NEK10: variants seen among roughly 807,000 people sequenced by gnomAD.
NEK10 encodes the protein NIMA related kinase 10.
In NEK10, 122 loss-of-function variants were observed where a neutral mutation model predicts 159.8. The ratio of observed to expected loss-of-function variants is 0.76; its 90% confidence interval spans 0.66 to 0.89. The LOEUF (loss-of-function observed/expected upper bound fraction) is 0.89. NEK10 is among the 40% of genes least tolerant of loss of function. The pLI is 0.00. For synonymous variants in NEK10, 466 were observed against 457.1 expected (o/e 1.02, Z -0.25); for missense variants, 1,342 against 1,323.1 (o/e 1.01, Z -0.22).
chr3:27,272,277 C>T (rs2149401363), intron 22 of NEK10, among the ~76,000 whole-genome samples: 1 of 152,296 alleles, frequency 6.6e-6, no homozygotes, highest in South Asian at 2.1e-4. Context: ...CCACCCAAGA[C>T]TGGGCTCATC....
intron 22 of NEK10, among the ~76,000 whole-genome samples, chr3:27,275,686 G>A (rs1008379438): frequency 2.6e-5 from 4 of 152,242 alleles, no homozygotes; most frequent in South Asian, 2.1e-4. Context: ...AAGTATATGA[G>A]TAATGTGCAC....
At chr3:27,218,082 T>C (rs1386225201) in intron 23 of NEK10, among the ~76,000 whole-genome samples, 1 of 152,192 alleles carries the variant, frequency 6.6e-6, no homozygotes, top group East Asian at 1.9e-4. Flanking sequence ...ACCTGATCAC[T>C]GAGATAGCTA....
chr3:27,185,665 G>A (rs773087847), intron 26 of NEK10, among the ~76,000 whole-genome samples: 54 of 152,230 alleles, frequency 3.5e-4, no homozygotes, highest in Middle Eastern at 3.4e-3. Context: ...TCTACTGCTC[G>A]TTCTGTTTCT....
chr3:27,269,787 T>TTAATCTTAG (rs2041190770), intron 22 of NEK10, among the ~76,000 whole-genome samples: 1 of 152,232 alleles, frequency 6.6e-6, no homozygotes, highest in South Asian at 2.1e-4. Context: ...CTCTTTGTAG[T>TTAATCTTAG]TAATCTTAGT....
chr3:27,286,079 C>CTTTTTTTTTTTTTT lies in NEK10; in HGVS notation c.1790-1132_1790-1119dup, dbSNP rs35663067. Among the ~76,000 whole-genome samples the CTTTTTTTTTTTTTT allele has an allele frequency of 2.6e-4, 15 of 57,708 alleles. 2 individuals are homozygous for CTTTTTTTTTTTTTT. Among genetic ancestry groups the CTTTTTTTTTTTTTT allele is most frequent in the African/African-American group, 3.1e-4 (4 of 12,900 alleles). 37.9% of individuals were successfully genotyped at this position (57,708 alleles called of 152,430 possible). On this transcript the variant is annotated intron_variant, in intron 20 of 35. Coordinates refer to ENST00000691995, the MANE Select transcript of NEK10 (RefSeq NM_001394966.1). ...ATGTATTTTTAAGCCATTTCCAATTCTTTTTTTTTTTTTTTTTTTTTTTTG... is the reference window on the plus strand; with the variant it reads ...ATGTATTTTTAAGCCATTTCCAATTCTTTTTTTTTTTTTTTTTTTTTTTTTTTTTTTTTTTTTTG...
rs1468001558 is a variant in NEK10, at chr3:27,113,171, T to C, written c.3300-1851A>G. 4.6e-5 allele frequency among the ~76,000 whole-genome samples: 7 copies of C among 152,224 alleles called. No individual in the cohort carries two copies. In the East Asian group the frequency reaches 1.2e-3, roughly 25 times the overall value. Reference sequence around the variant, plus strand: ...AAAGGGGGTCGGGTGTGGTGGATCATGCCTGTAATCCCAGCACTTTGGGAG... The same window carrying C: ...AAAGGGGGTCGGGTGTGGTGGATCACGCCTGTAATCCCAGCACTTTGGGAG... On this transcript the variant is annotated intron_variant, in intron 35 of 35. Coordinates refer to ENST00000691995, the MANE Select transcript of NEK10 (RefSeq NM_001394966.1).
intron 24 of NEK10, among the ~76,000 whole-genome samples, chr3:27,201,932 G>A (rs1161852543): frequency 3.3e-5 from 5 of 152,108 alleles, no homozygotes; most frequent in Non-Finnish European, 5.9e-5. Flanking sequence ...GCCAAGGTGG[G>A]TGGATTACCT....
At chr3:27,127,045 T>G (rs548939264) in intron 32 of NEK10, among the ~76,000 whole-genome samples, 1 of 152,196 alleles carries the variant, frequency 6.6e-6, no homozygotes, top group African/African-American at 2.4e-5. Context: ...ATAAATATTT[T>G]TATTATAAAA....
At chr3:27,344,770 A>C (rs899406554) in intron 4 of NEK10, among the ~76,000 whole-genome samples, 2 of 152,178 alleles carry the variant, frequency 1.3e-5, no homozygotes, top group Non-Finnish European at 2.9e-5. Context: ...TTCCCTCTCC[A>C]CTTTTCCACA....
chr3:27,224,784 A>AT (rs1330345155), intron 23 of NEK10, among the ~76,000 whole-genome samples: 2 of 152,080 alleles, frequency 1.3e-5, no homozygotes, highest in African/African-American at 4.8e-5. Context: ...CTTAAACATC[A>AT]TTTTTTCTCT....
chr3:27,279,076 A>G (rs112955744), intron 22 of NEK10: 2,941 of 216,656 alleles, frequency 0.014, 25 homozygotes, highest in South Asian at 0.021. Context: ...GCATAGCAGA[A>G]TATGTGAGTA....
At chr3:27,335,400 A>G (rs796845172) in intron 5 of NEK10, among the ~76,000 whole-genome samples, 12 of 152,236 alleles carry the variant, frequency 7.9e-5, no homozygotes, top group African/African-American at 2.9e-4. Context: ...CTCTAATACA[A>G]TAATAGCGAG....
In NEK10 at chr3:27,305,631, T is replaced by A. The variant is rs201245191; in HGVS notation, c.804-660A>T. On this transcript the variant is annotated intron_variant, in intron 11 of 35. Coordinates refer to ENST00000691995, the MANE Select transcript of NEK10 (RefSeq NM_001394966.1). ...CTAAAGACTAAAAAAAAAAAAAAAATAATAATAATAAAAGCCTTATTCTAG... is the reference window on the plus strand; with the variant it reads ...CTAAAGACTAAAAAAAAAAAAAAAAAAATAATAATAAAAGCCTTATTCTAG... 1.5e-4 allele frequency among the ~76,000 whole-genome samples: 21 copies of A among 143,666 alleles called. No individual in the cohort carries two copies. In the East Asian group the frequency reaches 1.5e-3, roughly 10 times the overall value. 94.3% of individuals were successfully genotyped at this position (143,666 alleles called of 152,430 possible).
At chr3:27,252,867 G>T in intron 23 of NEK10, 1 of 510,944 alleles carries the variant, frequency 2.0e-6, no homozygotes, top group South Asian at 1.4e-5. Context: ...AGAATGCAAG[G>T]TTGTCTGCTT....
At chr3:27,139,925 G>GT (rs963475430) in intron 31 of NEK10, among the ~76,000 whole-genome samples, 5 of 152,196 alleles carry the variant, frequency 3.3e-5, no homozygotes, top group Non-Finnish European at 7.3e-5. Context: ...GAAAAGCCCT[G>GT]TGGTTGCTCT....
intron 1 of NEK10, among the ~76,000 whole-genome samples, chr3:27,368,573 G>C (rs960840294): frequency 5.3e-5 from 8 of 152,148 alleles, no homozygotes; most frequent in Non-Finnish European, 1.0e-4. Flanking sequence ...ATGTCGTCTA[G>C]AGTGTAGTTT....
At chr3:27,286,731 AC>A (rs1450765571) in intron 20 of NEK10, among the ~76,000 whole-genome samples, 2 of 151,584 alleles carry the variant, frequency 1.3e-5, no homozygotes, top group African/African-American at 4.8e-5. Flanking sequence ...GTAGTAAAAA[AC>A]GTTTTTGTTT....
Position 27,340,274 on chromosome 3 carries a change from G to A in NEK10, c.362+3998C>T, listed in dbSNP as rs145974617. 2.9e-3 allele frequency among the ~76,000 whole-genome samples: 448 copies of A among 152,246 alleles called. 1 individual carries two copies. The highest frequency in any genetic ancestry group is 0.01 in the African/African-American group (426 of 41,552). On this transcript the variant is annotated intron_variant, in intron 5 of 35. Coordinates refer to ENST00000691995, the MANE Select transcript of NEK10 (RefSeq NM_001394966.1). The stretch of plus-strand genomic sequence containing the variant: ...ACACAGGAACAGAAAACCAAACACC[G>A]CATGTTCTCACTCATATGTGGAAGT...
intron 20 of NEK10, among the ~76,000 whole-genome samples, chr3:27,287,114 T>C (rs2042674153): frequency 6.7e-6 from 1 of 149,594 alleles, no homozygotes; most frequent in South Asian, 2.1e-4. Flanking sequence ...ATACTTGTAT[T>C]ATTTCTGTCA....
Sources: gnomAD v4.1 joint callset for allele counts (sites outside exome capture counted in the v4.1 genomes callset) on GRCh38, gnomAD v4.1.1 for gene constraint, MANE v1.5 for transcripts, NCBI Gene and HGNC (gene_info 2026-07-23, HGNC 2026-07-21) for gene names.